Variants in ZNF260 observed in about 807,000 individuals in gnomAD.
ZNF260 encodes zinc finger protein 260, also known as zfp-260.
ZNF260 carries 21 observed loss-of-function variants against 29.3 expected under a neutral mutation model. The observed-to-expected ratio is 0.72, with a 90% CI of 0.51 to 1.03. ZNF260 has a LOEUF of 1.03. ZNF260 is among the 50% of genes least tolerant of loss of function. The probability of loss-of-function intolerance (pLI) is 0.00; values close to 1 mark genes in which losing one functional copy is unlikely to be tolerated. For missense variants in ZNF260, 465 were observed against 487.8 expected, an observed-to-expected ratio of 0.95 and a Z score of 0.44; for synonymous variants, 156 against 156.8, an observed-to-expected ratio of 0.99 and a Z score of 0.04.
intron 2 of ZNF260, among the ~76,000 whole-genome samples, chr19:36,519,003 G>A (rs983322404): frequency 6.6e-5 from 10 of 151,714 alleles, no homozygotes; most frequent in Admixed American, 5.3e-4. Context: ...ACTGAACTCC[G>A]GCTTGGGCAA....
At position 36,511,193 on chromosome 19, in the gene ZNF260, C is replaced by T. The variant is rs1347772750; in HGVS notation, c.*2807G>A. On this transcript the variant is annotated 3_prime_UTR_variant, in exon 3 of 3. Coordinates refer to ENST00000523638, the MANE Select transcript of ZNF260 (RefSeq NM_001166037.2). ...AGAAATTAATATATTTAAAATCAGTCTAAGGTTTTAATGCTGTATACCCAT... is the reference window on the plus strand; with the variant it reads ...AGAAATTAATATATTTAAAATCAGTTTAAGGTTTTAATGCTGTATACCCAT... The T allele has an allele frequency of 3.3e-5, 5 of 152,096 alleles. No individual in the cohort carries two copies. The highest frequency in any genetic ancestry group is 7.4e-5 in the Non-Finnish European group (5 of 68,022). The allele number at this position is 152,096 out of a possible 1,614,324, so 9.4% of individuals were successfully genotyped here.
Position 36,514,903 on chromosome 19 carries a change from T to C in ZNF260, c.336A>G (p.Glu112=). 1 of 1,614,062 alleles carries C rather than the reference T, an allele frequency of 6.2e-7. No homozygotes were observed. Among genetic ancestry groups the C allele is most frequent in the South Asian group, 1.1e-5 (1 of 91,072 alleles). ...QKHHTGEKPY[E]CEKVSIQMPT... is the part of the protein sequence containing the mutation. ...GCATCTGAATAGAAACTTTTTCACA[T>C]TCATAAGGTTTCTCTCCAGTGTGAT... The change falls in exon 3 of 3, where the codon GAA becomes GAG. Residue 112 remains glutamate (E), a synonymous_variant. Transcript: ENST00000523638.
intron 1 of ZNF260, among the ~76,000 whole-genome samples, chr19:36,526,775 C>T (rs2034743040): frequency 1.3e-5 from 2 of 152,036 alleles, no homozygotes; most frequent in East Asian, 1.9e-4. Context: ...TTGTTGAATC[C>T]GTGGAAGCAG....
chr19:36,516,579 CTTTTA>C (rs1017034716), intron 2 of ZNF260, among the ~76,000 whole-genome samples: 5 of 152,090 alleles, frequency 3.3e-5, no homozygotes, highest in African/African-American at 1.2e-4. Flanking sequence ...AAGACTCGGT[CTTTTA>C]TTTTATTTTT....
At chr19:36,520,924 A>G (rs1204715692) in intron 2 of ZNF260, among the ~76,000 whole-genome samples, 2 of 150,938 alleles carry the variant, frequency 1.3e-5, no homozygotes, top group East Asian at 1.9e-4. Flanking sequence ...TCTACAAACA[A>G]TTTAAAAATT....
Position 36,513,586 on chromosome 19 carries a change from TCAA to T in ZNF260, c.*411_*413del, listed in dbSNP as rs1013101925. On this transcript the variant is annotated 3_prime_UTR_variant, in exon 3 of 3. Coordinates refer to ENST00000523638, the MANE Select transcript of ZNF260 (RefSeq NM_001166037.2). ...TCTCAGTCTCAGTTTTATGACTGCT[TCAA>T]CAACAAATAATTTTGATGATTCTAG... 1.1e-4 allele frequency: 45 copies of T among 407,350 alleles called. No homozygotes were observed. The highest frequency in any genetic ancestry group is 7.0e-4 in the African/African-American group (34 of 48,858). The allele number at this position is 407,350 out of a possible 1,614,324, so 25.2% of individuals were successfully genotyped here. A position where few individuals can be genotyped will look rare whatever the true frequency, so the allele number is the denominator to read the frequency against.
intron 1 of ZNF260, among the ~76,000 whole-genome samples, chr19:36,527,702 T>G (rs2034759110): frequency 6.6e-6 from 1 of 152,194 alleles, no homozygotes; most frequent in African/African-American, 2.4e-5. Flanking sequence ...CAATGCCTAC[T>G]GGGTGTACAG....
chr19:36,519,441 TG>T (rs977406151), intron 2 of ZNF260, among the ~76,000 whole-genome samples: 2 of 152,138 alleles, frequency 1.3e-5, no homozygotes, highest in African/African-American at 4.8e-5. Context: ...TATAACATAC[TG>T]GGGGTAACAT....
intron 2 of ZNF260, among the ~76,000 whole-genome samples, chr19:36,523,537 C>T (rs1210468505): frequency 6.6e-6 from 1 of 150,976 alleles, no homozygotes; most frequent in African/African-American, 2.4e-5. Context: ...AATTTTCTAT[C>T]AAGTATACAT....
At chr19:36,517,163 G>A (rs1206508938) in intron 2 of ZNF260, 1 of 152,568 alleles carries the variant, frequency 6.6e-6, no homozygotes, top group African/African-American at 2.4e-5. Flanking sequence ...GGGAGGCCAA[G>A]GCAGGAGGAC....
At position 36,515,190 on chromosome 19, in the gene ZNF260, G is replaced by T; in HGVS notation, c.49C>A (p.His17Asn). ...SLQHESDLLQ[H>N]DQIHTGEKPY... is the part of the protein sequence containing the mutation. ...TTCTCTCCAGTATGAATTTGATCATGCTGAAGGAGATCTGATTCATGCTGA... is the reference window on the plus strand; with the variant it reads ...TTCTCTCCAGTATGAATTTGATCATTCTGAAGGAGATCTGATTCATGCTGA... Residue 17 changes from histidine to asparagine, a missense_variant, in exon 3 of 3, where the codon CAT becomes AAT. Physicochemically the swap from His to Asn is moderately conservative, Grantham distance 68. Transcript: ENST00000523638. 1 of 1,606,720 alleles carries T rather than the reference G, an allele frequency of 6.2e-7. No homozygotes were observed. The highest frequency in any genetic ancestry group is 8.5e-7 in the Non-Finnish European group (1 of 1,175,286).
chr19:36,525,126 C>G (rs2034713056), intron 2 of ZNF260, 29 bp downstream of exon 2: 1 of 152,268 alleles, frequency 6.6e-6, no homozygotes, highest in African/African-American at 2.4e-5. Flanking sequence ...TGAATAACTG[C>G]AATAAGTCTT....
At chr19:36,524,290 C>T (rs1208117848) in intron 2 of ZNF260, among the ~76,000 whole-genome samples, 3 of 152,032 alleles carry the variant, frequency 2.0e-5, no homozygotes, top group Non-Finnish European at 4.4e-5. Context: ...ATTCTCCCAC[C>T]TCAGCCTCCT....
At chr19:36,519,671 A>T (rs2034609072) in intron 2 of ZNF260, among the ~76,000 whole-genome samples, 1 of 152,202 alleles carries the variant, frequency 6.6e-6, no homozygotes, top group South Asian at 2.1e-4. Flanking sequence ...TCCACAAAGT[A>T]GTAAAGGATG....
intron 2 of ZNF260, among the ~76,000 whole-genome samples, chr19:36,524,565 G>T (rs940709863): frequency 9.7e-6 from 1 of 103,082 alleles, no homozygotes. Context: ...TCTCGCAGAG[G>T]GGGATTTGGC....
chr19:36,513,745 C>A lies in ZNF260; in HGVS notation c.*255G>T. ...CTTCCAGGAACACATTAAGTAGTGT[C>A]CATGACTAGATCCTAACTTTAATGA... On this transcript the variant is annotated 3_prime_UTR_variant, in exon 3 of 3. Coordinates refer to ENST00000523638, the MANE Select transcript of ZNF260 (RefSeq NM_001166037.2). 1 of 525,828 alleles carries A rather than the reference C, an allele frequency of 1.9e-6. No individual in the cohort carries two copies. The highest frequency in any genetic ancestry group is 3.3e-6 in the Non-Finnish European group (1 of 298,682). 32.6% of individuals were successfully genotyped at this position (525,828 alleles called of 1,614,324 possible).
rs779161699 is a variant in ZNF260 at position 36,515,270 on chromosome 19, T to C, written c.-32A>G. 1 of 1,504,394 alleles carries C rather than the reference T, an allele frequency of 6.6e-7. No individual in the cohort carries two copies. The highest frequency in any genetic ancestry group is 8.9e-7 in the Non-Finnish European group (1 of 1,127,050). 93.2% of individuals were successfully genotyped at this position (1,504,394 alleles called of 1,614,324 possible). A position where few individuals can be genotyped will look rare whatever the true frequency, so the allele number is the denominator to read the frequency against. ...GAATTTAATCAGGAGATTTCCCTAG[T>C]ATCAAATAAGATGTAATAAGGATGA... On this transcript the variant is annotated 5_prime_UTR_variant, in exon 3 of 3. In the 5' UTR this introduces an upstream ATG that the reference lacks. Coordinates refer to ENST00000523638, the MANE Select transcript of ZNF260 (RefSeq NM_001166037.2).
At chr19:36,522,219 C>A (rs2034657638) in intron 2 of ZNF260, among the ~76,000 whole-genome samples, 1 of 151,706 alleles carries the variant, frequency 6.6e-6, no homozygotes, top group Non-Finnish European at 1.5e-5. Context: ...CTTTGGGAGG[C>A]CGAGGTGAGT....
chr19:36,524,702 G>A (rs1435358292), intron 2 of ZNF260, among the ~76,000 whole-genome samples: 1 of 151,706 alleles, frequency 6.6e-6, no homozygotes, highest in African/African-American at 2.4e-5. Context: ...TTAAGATTAG[G>A]GAGTGGTGAT....
Sources: gnomAD v4.1 joint callset for allele counts (sites outside exome capture counted in the v4.1 genomes callset) on GRCh38, gnomAD v4.1.1 for gene constraint, MANE v1.5 for transcripts, NCBI Gene and HGNC (gene_info 2026-07-23, HGNC 2026-07-21) for gene names.